PCDH11Y: variants seen among roughly 807,000 people sequenced by gnomAD.
PCDH11Y encodes the protein protocadherin 11 Y-linked.
For synonymous variants in PCDH11Y, 9 were observed against 83.6 expected (o/e 0.11, Z 4.87); for missense variants, 12 against 224.8 (o/e 0.05, Z 6.05).
intron 2 of PCDH11Y, among the ~76,000 whole-genome samples, chrY:5,163,092 T>G: frequency 3.4e-5 from 1 of 29,215 alleles, no homozygotes; most frequent in African/African-American, 1.4e-4. Context: ...GAAAAAAAAA[T>G]GTAACGCAGC....
intron 4 of PCDH11Y, among the ~76,000 whole-genome samples, chrY:5,717,041 G>A: frequency 3.0e-5 from 1 of 33,203 alleles, no homozygotes; most frequent in African/African-American, 1.2e-4. Flanking sequence ...GCTGAAGAAT[G>A]AGACTAGATC....
chrY:5,365,183 C>T lies in PCDH11Y; in HGVS notation c.3130-135874C>T, dbSNP rs2124672423. ...CCTTTTTCTTGTATTAAAAACCCAC[C>T]AATGAAAATCACAAATCTTGAAAAA... On this transcript the variant is annotated intron_variant, in intron 2 of 4. Transcript: ENST00000400457. Among the ~76,000 whole-genome samples the T allele has an allele frequency of 1.2e-4, 4 of 32,941 alleles. No individual in the cohort carries two copies. The South Asian group carries it at 2.7e-3, about 22-fold the overall frequency. The allele number at this position is 32,941 out of a possible 37,273, so 88.4% of individuals were successfully genotyped here.
At chrY:5,258,827 T>C (rs2053014375) in intron 2 of PCDH11Y, among the ~76,000 whole-genome samples, 1 of 33,393 alleles carries the variant, frequency 3.0e-5, no homozygotes, top group South Asian at 6.6e-4. Flanking sequence ...ACTTGCTCTA[T>C]AGTGCAGATT....
At chrY:5,636,749 G>A in intron 4 of PCDH11Y, among the ~76,000 whole-genome samples, 1 of 33,173 alleles carries the variant, frequency 3.0e-5, no homozygotes, top group Non-Finnish European at 7.4e-5. Context: ...ATAGCCAACT[G>A]TATAAAAAGG....
intron 2 of PCDH11Y, among the ~76,000 whole-genome samples, chrY:5,284,163 C>T (rs2053057228): frequency 6.1e-5 from 2 of 32,535 alleles, no homozygotes; most frequent in Admixed American, 2.9e-4. Context: ...GGATTCTAAA[C>T]CAAAGAAATT....
intron 4 of PCDH11Y, chrY:5,615,170 C>T (rs2053492268): frequency 4.4e-5 from 2 of 45,461 alleles, no homozygotes; most frequent in Non-Finnish European, 1.0e-4. Context: ...GAGACAGAAC[C>T]AAATCATATC....
chrY:5,483,671 C>G, intron 2 of PCDH11Y, among the ~76,000 whole-genome samples: 1 of 31,877 alleles, frequency 3.1e-5, no homozygotes, highest in Admixed American at 2.9e-4. Context: ...TCATGGCTAT[C>G]AATATCAGGA....
intron 4 of PCDH11Y, among the ~76,000 whole-genome samples, chrY:5,715,727 A>G (rs2124713507): frequency 3.3e-5 from 1 of 30,324 alleles, no homozygotes; most frequent in Admixed American, 3.1e-4. Flanking sequence ...ATCCCTAAAA[A>G]TAGAGGATGA....
At chrY:5,203,689 G>A in intron 2 of PCDH11Y, among the ~76,000 whole-genome samples, 2 of 28,890 alleles carry the variant, frequency 6.9e-5, no homozygotes, top group Admixed American at 6.5e-4. Flanking sequence ...ACATGAACAG[G>A]GTATCAGTTG....
At chrY:5,304,735 T>C in intron 2 of PCDH11Y, among the ~76,000 whole-genome samples, 1 of 32,441 alleles carries the variant, frequency 3.1e-5, no homozygotes, top group Non-Finnish European at 7.5e-5. Flanking sequence ...AGAGTGTAGC[T>C]GACCTGTAGA....
chrY:5,397,536 CT>C (rs2053228673), intron 2 of PCDH11Y, among the ~76,000 whole-genome samples: 1 of 31,072 alleles, frequency 3.2e-5, no homozygotes, highest in Non-Finnish European at 7.7e-5. Context: ...AAGCATTATT[CT>C]TTCACCATTA....
intron 2 of PCDH11Y, among the ~76,000 whole-genome samples, chrY:5,203,256 C>T (rs2124650109): frequency 5.9e-5 from 1 of 17,052 alleles, no homozygotes; most frequent in Non-Finnish European, 1.1e-4. Flanking sequence ...ATTCATCTTA[C>T]ATCTTTACCC....
intron 2 of PCDH11Y, among the ~76,000 whole-genome samples, chrY:5,130,572 G>A: frequency 3.0e-5 from 1 of 33,756 alleles, no homozygotes; most frequent in Admixed American, 2.7e-4. Flanking sequence ...ACTCACACCA[G>A]TCAGAATGGC....
At chrY:5,059,480 C>A in intron 1 of PCDH11Y, among the ~76,000 whole-genome samples, 2 of 33,140 alleles carry the variant, frequency 6.0e-5, no homozygotes, top group Non-Finnish European at 1.5e-4. Context: ...CTTCAACTGA[C>A]CATCTTGACA....
chrY:5,109,609 T>C (rs1602869230), downstream of PCDH11Y, among the ~76,000 whole-genome samples: 1 of 33,057 alleles, frequency 3.0e-5, no homozygotes, highest in East Asian at 7.9e-4. Flanking sequence ...GACAAATTTA[T>C]GTAATAACAT....
At chrY:5,395,765 T>C in intron 2 of PCDH11Y, among the ~76,000 whole-genome samples, 2 of 33,428 alleles carry the variant, frequency 6.0e-5, no homozygotes, top group African/African-American at 1.2e-4. Flanking sequence ...TTTTGAAATC[T>C]TTTTAATTTT....
chrY:5,048,610 A>G (rs2052646419), intron 3 of PCDH11Y, among the ~76,000 whole-genome samples: 1 of 33,252 alleles, frequency 3.0e-5, no homozygotes, highest in Non-Finnish European at 7.4e-5. Flanking sequence ...GTGTGAGATG[A>G]TATCTCATTG....
intron 4 of PCDH11Y, among the ~76,000 whole-genome samples, chrY:5,720,630 G>T (rs2124714055): frequency 6.2e-5 from 2 of 32,093 alleles, no homozygotes; most frequent in South Asian, 7.1e-4. Context: ...CTCAAAAGTA[G>T]TTGAAATAGA....
chrY:5,323,610 T>C, intron 2 of PCDH11Y, among the ~76,000 whole-genome samples: 3 of 34,204 alleles, frequency 8.8e-5, no homozygotes, highest in Non-Finnish European at 2.2e-4. Flanking sequence ...TATAGGCTAG[T>C]AACTCATAAC....
Sources: gnomAD v4.1 joint callset for allele counts (sites outside exome capture counted in the v4.1 genomes callset) on GRCh38, gnomAD v4.1.1 for gene constraint, MANE v1.5 for transcripts, NCBI Gene and HGNC (gene_info 2026-07-23, HGNC 2026-07-21) for gene names.